The following SLC1A4 variants were observed in gnomAD, a reference collection of about 807,000 sequenced individuals.
The protein encoded by SLC1A4 is solute carrier family 1 member 4.
A neutral mutation model predicts 37.7 loss-of-function variants in SLC1A4; 19 were observed. The observed-to-expected ratio is 0.50, with a 90% CI of 0.35 to 0.74. SLC1A4 has a LOEUF of 0.74. SLC1A4 is among the 30% of genes least tolerant of loss of function. The pLI is 0.01. For synonymous variants in SLC1A4, 299 were observed against 309.8 expected (o/e 0.97, Z 0.37); for missense variants, 570 against 712.9 (o/e 0.80, Z 2.28).
Position 65,018,264 on chromosome 2 carries a change from C to T in SLC1A4, c.1228C>T (p.Leu410=), listed in dbSNP as rs1293653493. The change falls in exon 6 of 8, where the codon CTA becomes TTA. Residue 410 remains leucine, a splice_region_variant and synonymous_variant. Coordinates refer to ENST00000234256, the MANE Select transcript of SLC1A4 (RefSeq NM_003038.5). The surrounding 1 kb of genome is among the most constrained non-coding windows in gnomAD (Gnocchi z 4.3). ...CAACGCAGGACAGATTTTCACCATTCTGTAAGTTCCTCATTCTTTCCCTGG... is the reference window on the plus strand; with the variant it reads ...CAACGCAGGACAGATTTTCACCATTTTGTAAGTTCCTCATTCTTTCCCTGG... ...ELNAGQIFTI[L]VTATASSVGA... 16 of 1,610,490 alleles carry T rather than the reference C, an allele frequency of 9.9e-6. No individual in the cohort carries two copies. Among genetic ancestry groups the T allele is most frequent in the Non-Finnish European group, 1.4e-5 (16 of 1,177,162 alleles).
Position 65,018,128 on chromosome 2 carries a change from G to A in SLC1A4, c.1092G>A (p.Lys364=), listed in dbSNP as rs756354596. The stretch of plus-strand genomic sequence containing the variant: ...TTGAAGAGAACAATGGTGTGGACAA[G>A]AGGATCAGCAGGTTTATTCTCCCCA... ...KCIEENNGVD[K]RISRFILPIG... Residue 364 remains lysine (K), a synonymous_variant, in exon 6 of 8, where the codon AAG becomes AAA. Coordinates refer to ENST00000234256, the MANE Select transcript of SLC1A4 (RefSeq NM_003038.5). This position sits in a 1 kb window ranked among gnomAD's most constrained non-coding sequence, Gnocchi z 4.3. 150 of 1,614,100 alleles carry A rather than the reference G, an allele frequency of 9.3e-5. No homozygotes were observed. Among genetic ancestry groups the A allele is most frequent in the Non-Finnish European group, 1.2e-4 (137 of 1,180,048 alleles).
chr2:65,013,194 C>T (rs894383004), intron 4 of SLC1A4, among the ~76,000 whole-genome samples: 6 of 152,192 alleles, frequency 3.9e-5, no homozygotes, highest in Non-Finnish European at 5.9e-5. Context: ...ATCACTGATA[C>T]GTCCATGTTA....
At chr2:65,010,883 G>A (rs1481470282) in intron 4 of SLC1A4, 120 bp downstream of exon 4, 2 of 976,508 alleles carry the variant, frequency 2.0e-6, no homozygotes, top group East Asian at 5.0e-5. Context: ...GTATGTGGTT[G>A]ATGCACCATG....
chr2:65,006,902 G>C (rs1211241506), intron 3 of SLC1A4, among the ~76,000 whole-genome samples: 1 of 152,178 alleles, frequency 6.6e-6, no homozygotes. Context: ...CAGCAACAGA[G>C]GGAGACTTTG....
rs535475340 is a variant in SLC1A4 at position 65,003,273 on chromosome 2, A to C, written c.571-680A>C. ...GTGCCCTTCGAAGGGGCCAGGAAGG[A>C]CTGTACTAACAGATTCCACTTGTTA... On this transcript the variant is annotated intron_variant, in intron 2 of 7. Transcript: ENST00000234256. Among the ~76,000 whole-genome samples the C allele has an allele frequency of 2.2e-4, 33 of 152,344 alleles. No individual in the cohort carries two copies. The East Asian group carries it at 6.2e-3, about 29-fold the overall frequency.
chr2:65,021,186 C>A lies in SLC1A4; in HGVS notation c.*40C>A. 7.3e-6 allele frequency: 11 copies of A among 1,515,918 alleles called. No individual in the cohort carries two copies. Among genetic ancestry groups the A allele is most frequent in the Non-Finnish European group, 1.0e-5 (11 of 1,096,134 alleles). The allele number at this position is 1,515,918 out of a possible 1,614,324, so 93.9% of individuals were successfully genotyped here. On this transcript the variant is annotated 3_prime_UTR_variant, in exon 8 of 8. Coordinates refer to ENST00000234256, the MANE Select transcript of SLC1A4 (RefSeq NM_003038.5). ...GGGCTTGCCTGCCAGCAGTGATGTC[C>A]CACCCTGTTCACCCAGCCGCCAGTC... is the stretch of plus-strand genomic sequence containing the variant.
Position 65,018,714 on chromosome 2 carries a change from C to T in SLC1A4, c.1364+35C>T, listed in dbSNP as rs1257773288. On this transcript the variant is annotated intron_variant, in intron 7 of 7. Transcript: ENST00000234256. This position sits in a 1 kb window ranked among gnomAD's most constrained non-coding sequence, Gnocchi z 4.3. ...AAGTCCTGAGAACACCAAAAAGAGT[C>T]TGCACTGAGTTCCCTAGGAGCTTAG... The T allele has an allele frequency of 6.2e-7, 1 of 1,612,016 alleles. No individual in the cohort carries two copies. The highest frequency in any genetic ancestry group is 8.5e-7 in the Non-Finnish European group (1 of 1,179,128).
At chr2:64,998,322 G>C (rs1673343171) in intron 1 of SLC1A4, among the ~76,000 whole-genome samples, 1 of 151,822 alleles carries the variant, frequency 6.6e-6, no homozygotes, top group Non-Finnish European at 1.5e-5. Flanking sequence ...TCGGGAAGCT[G>C]AGGCAGGAGA....
At chr2:65,003,561 T>C (rs995728159) in intron 2 of SLC1A4, among the ~76,000 whole-genome samples, 1 of 152,200 alleles carries the variant, frequency 6.6e-6, no homozygotes, top group Non-Finnish European at 1.5e-5. Context: ...AATAAAATGA[T>C]ACAATGAAAA....
rs1486092031 is a variant in SLC1A4, at chr2:65,022,743, C to T, written c.*1597C>T. The T allele has an allele frequency of 6.6e-6, 1 of 152,230 alleles. No homozygotes were observed. Among genetic ancestry groups the T allele is most frequent in the Non-Finnish European group, 1.5e-5 (1 of 68,084 alleles). The allele number at this position is 152,230 out of a possible 1,614,324, so 9.4% of individuals were successfully genotyped here. A position where few individuals can be genotyped will look rare whatever the true frequency, so the allele number is the denominator to read the frequency against. ...CATGAACTAGCAACCCCACCTTCCA[C>T]CATGGTTCTGGGCGCCTGATTTTGC... On this transcript the variant is annotated 3_prime_UTR_variant, in exon 8 of 8. Transcript: ENST00000234256.
At chr2:65,002,976 A>T (rs1404277996) in intron 2 of SLC1A4, among the ~76,000 whole-genome samples, 1 of 152,180 alleles carries the variant, frequency 6.6e-6, no homozygotes, top group African/African-American at 2.4e-5. Context: ...GTTTCTACTT[A>T]AACCTCTCAT....
chr2:65,021,030 GA>G lies in SLC1A4; in HGVS notation c.1485del (p.Ala496ProfsTer15). On this transcript the variant is annotated frameshift_variant, in exon 8 of 8. Coordinates refer to ENST00000234256, the MANE Select transcript of SLC1A4 (RefSeq NM_003038.5). LOFTEE classifies it high-confidence loss of function. ...GCAGGAACTTGCTGAGGTGAAAGTG[GA>G]AGCCATCCCCAACTGCAAGTCTGAG... ...GEQELAEVKV[E>X]AIPNCKSEEE... is the part of the protein sequence containing the mutation. The G allele has an allele frequency of 6.2e-7, 1 of 1,614,232 alleles. No homozygotes were observed. Among genetic ancestry groups the G allele is most frequent in the East Asian group, 2.2e-5 (1 of 44,888 alleles).
chr2:65,000,337 G>A (rs2103644547), intron 1 of SLC1A4: 1 of 152,244 alleles, frequency 6.6e-6, no homozygotes, highest in Admixed American at 6.5e-5. Flanking sequence ...ATTCTAAGAT[G>A]AAATCCATAA....
In SLC1A4 at chr2:65,003,917, C is replaced by A. The variant is rs571549750; in HGVS notation, c.571-36C>A. 2.4e-5 allele frequency: 38 copies of A among 1,575,478 alleles called. No homozygotes were observed. The African/African-American group carries it at 5.1e-4, about 21-fold the overall frequency. ...TCCTCTAGGTCGGTCTTCACCTGTG[C>A]ACTAACAGTGGGTTTTTTTTTCCTC... On this transcript the variant is annotated intron_variant, in intron 2 of 7. Coordinates refer to ENST00000234256, the MANE Select transcript of SLC1A4 (RefSeq NM_003038.5).
intron 3 of SLC1A4, among the ~76,000 whole-genome samples, chr2:65,010,379 T>C (rs895245691): frequency 6.6e-6 from 1 of 152,240 alleles, no homozygotes; most frequent in Non-Finnish European, 1.5e-5. Flanking sequence ...CAGAGTTAAC[T>C]AGAAGAAATT....
Position 64,989,702 on chromosome 2 carries a change from C to G in SLC1A4, c.59C>G (p.Ala20Gly). 1 of 1,529,354 alleles carries G rather than the reference C, an allele frequency of 6.5e-7. No homozygotes were observed. The highest frequency in any genetic ancestry group is 8.7e-7 in the Non-Finnish European group (1 of 1,144,364). 94.7% of individuals were successfully genotyped at this position (1,529,354 alleles called of 1,614,324 possible). A position where few individuals can be genotyped will look rare whatever the true frequency, so the allele number is the denominator to read the frequency against. Residue 20 changes from alanine (A) to glycine (G), a missense_variant, in exon 1 of 8, where the codon GCC (alanine) becomes GGC (glycine). By Grantham distance (60) the Ala-to-Gly change is moderately conservative. Coordinates refer to ENST00000234256, the MANE Select transcript of SLC1A4 (RefSeq NM_003038.5). ...YLDSAQAGPA[A>G]GPGAPGTAAG... ...GACAGCGCTCAGGCGGGGCCTGCGG[C>G]CGGGCCCGGAGCTCCGGGGACCGCG... is the stretch of plus-strand genomic sequence containing the variant.
Position 65,018,713 on chromosome 2 carries a change from T to A in SLC1A4, c.1364+34T>A, listed in dbSNP as rs10182988. The A allele has an allele frequency of 6.9e-5, 112 of 1,612,234 alleles. No individual in the cohort carries two copies. The African/African-American group carries it at 1.4e-3, about 20-fold the overall frequency. Reference sequence around the variant, plus strand: ...CAAGTCCTGAGAACACCAAAAAGAGTCTGCACTGAGTTCCCTAGGAGCTTA... The same window carrying A: ...CAAGTCCTGAGAACACCAAAAAGAGACTGCACTGAGTTCCCTAGGAGCTTA... On this transcript the variant is annotated intron_variant, in intron 7 of 7. Transcript: ENST00000234256. The surrounding 1 kb of genome is among the most constrained non-coding windows in gnomAD (Gnocchi z 4.3).
intron 3 of SLC1A4, among the ~76,000 whole-genome samples, chr2:65,007,268 GTT>G (rs761876990): frequency 7.4e-5 from 9 of 122,276 alleles, no homozygotes; most frequent in South Asian, 5.1e-4. Flanking sequence ...GGAAGAGTGT[GTT>G]TGTGTGTGTG....
intron 2 of SLC1A4, among the ~76,000 whole-genome samples, chr2:65,002,932 A>G (rs897465504): frequency 1.1e-4 from 16 of 152,158 alleles, no homozygotes; most frequent in African/African-American, 2.2e-4. Context: ...TATATGGTCT[A>G]ATCTGATTGC....
Sources: allele counts gnomAD v4.1 joint callset (sites outside exome capture counted in the v4.1 genomes callset), GRCh38; gene constraint gnomAD v4.1.1; non-coding constraint Gnocchi (gnomAD v3.1); transcripts MANE v1.5; gene names NCBI Gene and HGNC (gene_info 2026-07-23, HGNC 2026-07-21).